The following DNAI1 variants were observed in gnomAD, a reference collection of about 807,000 sequenced individuals.
The protein encoded by DNAI1 is dynein axonemal intermediate chain 1, also known as dynein, axonemal, intermediate polypeptide 1.
A neutral mutation model predicts 92.0 loss-of-function variants in DNAI1; 67 were observed. The observed-to-expected ratio is 0.73, with a 90% CI of 0.60 to 0.89. The LOEUF is 0.89. Ranked by LOEUF, DNAI1 falls within the 40% of genes least tolerant of loss-of-function variation. DNAI1 has a pLI of 0.00. For missense variants in DNAI1, 839 were observed against 866.6 expected, an observed-to-expected ratio of 0.97 and a Z score of 0.40; for synonymous variants, 323 against 319.6, an observed-to-expected ratio of 1.01 and a Z score of -0.11.
At chr9:34,490,724 A>G (rs1824573869) in intron 7 of DNAI1, among the ~76,000 whole-genome samples, 1 of 152,214 alleles carries the variant, frequency 6.6e-6, no homozygotes, top group African/African-American at 2.4e-5. Context: ...CTCCACTGGA[A>G]GGCTTCAGCT....
intron 13 of DNAI1, among the ~76,000 whole-genome samples, chr9:34,509,257 T>C (rs991619225): frequency 6.6e-5 from 10 of 152,110 alleles, no homozygotes; most frequent in African/African-American, 1.9e-4. Flanking sequence ...GTTAGTGAGA[T>C]GAAGAAGGGT....
intron 9 of DNAI1, among the ~76,000 whole-genome samples, chr9:34,494,163 G>A (rs1279315894): frequency 1.3e-5 from 2 of 152,098 alleles, no homozygotes; most frequent in East Asian, 1.9e-4. Flanking sequence ...AGTTCCCATG[G>A]CTGCTCTCGG....
intron 1 of DNAI1, among the ~76,000 whole-genome samples, chr9:34,468,410 C>T (rs368782519): frequency 9.3e-5 from 14 of 151,184 alleles, no homozygotes; most frequent in African/African-American, 2.9e-4. Flanking sequence ...AGGATGGTCT[C>T]GATCTCCTAA....
At chr9:34,462,177 G>T (rs929020829) in intron 1 of DNAI1, among the ~76,000 whole-genome samples, 1 of 152,126 alleles carries the variant, frequency 6.6e-6, no homozygotes, top group Non-Finnish European at 1.5e-5. Flanking sequence ...TCTTGCCTTT[G>T]CTACCCATCC....
intron 13 of DNAI1, among the ~76,000 whole-genome samples, chr9:34,510,270 T>G (rs1415292920): frequency 2.6e-5 from 4 of 152,226 alleles, no homozygotes; most frequent in Non-Finnish European, 5.9e-5. Flanking sequence ...AGCACAGGCT[T>G]CTTCTCCAGG....
chr9:34,504,684 G>A (rs962215812), intron 12 of DNAI1, among the ~76,000 whole-genome samples: 2 of 152,320 alleles, frequency 1.3e-5, no homozygotes, highest in African/African-American at 2.4e-5. Flanking sequence ...CTAATCGAAC[G>A]AGAGTGCCTG....
chr9:34,504,669 G>A (rs1345827180), intron 12 of DNAI1, among the ~76,000 whole-genome samples: 2 of 152,212 alleles, frequency 1.3e-5, no homozygotes, highest in Non-Finnish European at 2.9e-5. Context: ...GTTTAAATAT[G>A]ACTTCTAATC....
chr9:34,461,328 T>G (rs866476914), intron 1 of DNAI1, among the ~76,000 whole-genome samples: 8 of 152,314 alleles, frequency 5.3e-5, no homozygotes, highest in Middle Eastern at 3.4e-3. Flanking sequence ...TATAATAGAA[T>G]GTACCATTTT....
intron 8 of DNAI1, 152 bp from the exon 9 acceptor site, chr9:34,493,042 C>T (rs1372614925): frequency 4.2e-6 from 4 of 942,300 alleles, no homozygotes; most frequent in Non-Finnish European, 6.8e-6. Flanking sequence ...GTAGGGAAGA[C>T]AGGTATTGAA....
chr9:34,488,545 GCA>G (rs1824519705), intron 4 of DNAI1: 1 of 153,354 alleles, frequency 6.5e-6, no homozygotes, highest in Non-Finnish European at 1.5e-5. Context: ...AAAAGGGTTT[GCA>G]TATCTGTTTT....
chr9:34,503,985 C>G (rs1375956415), intron 12 of DNAI1, among the ~76,000 whole-genome samples: 1 of 152,150 alleles, frequency 6.6e-6, no homozygotes, highest in Non-Finnish European at 1.5e-5. Flanking sequence ...AGCCCATTAG[C>G]CAATTCATAG....
intron 12 of DNAI1, among the ~76,000 whole-genome samples, chr9:34,501,872 A>T (rs1293671379): frequency 6.6e-6 from 1 of 152,194 alleles, no homozygotes; most frequent in East Asian, 1.9e-4. Context: ...GGAAGGCAGC[A>T]CAATGGAAAC....
chr9:34,468,809 G>C (rs1323989519), intron 1 of DNAI1, among the ~76,000 whole-genome samples: 1 of 149,838 alleles, frequency 6.7e-6, no homozygotes, highest in Non-Finnish European at 1.5e-5. Flanking sequence ...CTGGGTGACA[G>C]AGTGAGACCC....
rs1350230096 is a variant in DNAI1, at chr9:34,520,871, A to C, written c.*115A>C. 6.0e-6 allele frequency: 6 copies of C among 996,196 alleles called. No individual in the cohort carries two copies. Among genetic ancestry groups the C allele is most frequent in the Non-Finnish European group, 7.8e-6 (5 of 643,942 alleles). 61.7% of individuals were successfully genotyped at this position (996,196 alleles called of 1,614,324 possible). On this transcript the variant is annotated 3_prime_UTR_variant, in exon 20 of 20. Coordinates refer to ENST00000242317, the MANE Select transcript of DNAI1 (RefSeq NM_012144.4). ...GTGACCCCACTCCTGATCAGGTCCC[A>C]GCATCTTCCCTTCTTGTTCTGTTCC...
At chr9:34,474,512 C>T (rs989903806) in intron 1 of DNAI1, among the ~76,000 whole-genome samples, 44 of 149,560 alleles carry the variant, frequency 2.9e-4, no homozygotes, top group Middle Eastern at 3.7e-3. Context: ...GCTGGGAGTA[C>T]AGGCATGAGC....
chr9:34,508,727 A>C (rs1824997490), intron 13 of DNAI1, among the ~76,000 whole-genome samples: 1 of 152,118 alleles, frequency 6.6e-6, no homozygotes. Context: ...TGTAAATCAA[A>C]TAGCAGATTG....
intron 19 of DNAI1, among the ~76,000 whole-genome samples, chr9:34,518,901 A>G (rs1825218236): frequency 8.0e-6 from 1 of 125,526 alleles, no homozygotes; most frequent in South Asian, 3.3e-4. Context: ...AGCATCTCCC[A>G]TAGTTTCAGT....
intron 19 of DNAI1, 84 bp from the exon 20 acceptor site, chr9:34,520,574 C>T: frequency 1.6e-6 from 2 of 1,270,464 alleles, no homozygotes; most frequent in Non-Finnish European, 2.2e-6. Flanking sequence ...CACAGCTGGA[C>T]AGGCTGGGCA....
intron 18 of DNAI1, among the ~76,000 whole-genome samples, chr9:34,516,594 C>T (rs1317170432): frequency 6.6e-6 from 1 of 152,054 alleles, no homozygotes; most frequent in African/African-American, 2.4e-5. Flanking sequence ...CCTCTAACTC[C>T]TCCGTTATAA....
Sources: allele counts gnomAD v4.1 joint callset (sites outside exome capture counted in the v4.1 genomes callset), GRCh38; gene constraint gnomAD v4.1.1; transcripts MANE v1.5; gene names NCBI Gene and HGNC (gene_info 2026-07-23, HGNC 2026-07-21).